The following FMN1 variants were observed in gnomAD, a reference collection of about 807,000 sequenced individuals.
The protein encoded by FMN1 is formin-1.
Under a neutral mutation model 132.4 loss-of-function variants are expected in FMN1, and 110 were observed. The ratio of observed to expected loss-of-function variants is 0.83; its 90% CI spans 0.71 to 0.97. FMN1 has a LOEUF of 0.97. Among genes scored for constraint, FMN1 ranks in the 50% least tolerant of loss-of-function variants. FMN1 has a pLI of 0.00. For synonymous variants in FMN1, 722 were observed against 651.7 expected, an observed-to-expected ratio of 1.11 and a Z score of -1.64; for missense variants, 1,792 against 1,705.3, an observed-to-expected ratio of 1.05 and a Z score of -0.90.
At chr15:33,184,118 C>A (rs1965797051) in intron 2 of FMN1, among the ~76,000 whole-genome samples, 1 of 152,180 alleles carries the variant, frequency 6.6e-6, no homozygotes, top group African/African-American at 2.4e-5. Context: ...TTATAAACAG[C>A]ATCTCTATTC....
intron 6 of FMN1, among the ~76,000 whole-genome samples, chr15:33,052,388 C>A (rs2037016882): frequency 6.6e-6 from 1 of 152,204 alleles, no homozygotes; most frequent in Non-Finnish European, 1.5e-5. Flanking sequence ...CTGGGTTCAG[C>A]ATGGACACAA....
At chr15:32,955,606 G>C (rs1258766508) in intron 9 of FMN1, among the ~76,000 whole-genome samples, 4 of 152,032 alleles carry the variant, frequency 2.6e-5, no homozygotes, top group Non-Finnish European at 5.9e-5. Context: ...ATGAGATTTG[G>C]GAAAATATAG....
At chr15:33,110,884 A>G (rs1474032343) in intron 4 of FMN1, among the ~76,000 whole-genome samples, 2 of 152,064 alleles carry the variant, frequency 1.3e-5, no homozygotes, top group African/African-American at 4.8e-5. Flanking sequence ...GGCATGCAGT[A>G]TATTTTTACT....
chr15:32,904,141 G>C (rs191840026), intron 12 of FMN1, among the ~76,000 whole-genome samples: 1 of 152,096 alleles, frequency 6.6e-6, no homozygotes, highest in African/African-American at 2.4e-5. Flanking sequence ...AATTACTGTG[G>C]AGTGTGAATG....
At chr15:33,055,423 T>C (rs2037171911) in intron 6 of FMN1, among the ~76,000 whole-genome samples, 1 of 152,140 alleles carries the variant, frequency 6.6e-6, no homozygotes, top group Non-Finnish European at 1.5e-5. Context: ...CTGATCACCG[T>C]GGGTACATGT....
At chr15:32,830,003 A>G (rs2058463560) in intron 17 of FMN1, among the ~76,000 whole-genome samples, 1 of 152,138 alleles carries the variant, frequency 6.6e-6, no homozygotes, top group Non-Finnish European at 1.5e-5. Context: ...ATAACTAAAT[A>G]AGGATTACTT....
intron 6 of FMN1, among the ~76,000 whole-genome samples, chr15:33,026,584 G>T (rs1207574347): frequency 6.6e-6 from 1 of 152,172 alleles, no homozygotes; most frequent in Admixed American, 6.5e-5. Context: ...TTTATATCAT[G>T]ATTATATAAT....
chr15:32,843,747 G>A (rs190284678), intron 17 of FMN1, among the ~76,000 whole-genome samples: 1 of 152,280 alleles, frequency 6.6e-6, no homozygotes, highest in Admixed American at 6.5e-5. Context: ...AAGATGAAAG[G>A]GGAAGTAGTA....
intron 6 of FMN1, among the ~76,000 whole-genome samples, chr15:33,013,489 T>G (rs531811094): frequency 2.0e-5 from 1 of 48,966 alleles, no homozygotes; most frequent in East Asian, 2.3e-3. Context: ...ATGAACCAAG[T>G]TGGGTTGTGA....
At chr15:33,053,297 G>A (rs909177817) in intron 6 of FMN1, among the ~76,000 whole-genome samples, 117 of 152,284 alleles carry the variant, frequency 7.7e-4, no homozygotes, top group African/African-American at 2.6e-3. Flanking sequence ...CTTTGGGGTC[G>A]CAGGCACCCC....
At chr15:33,143,211 A>G (rs1355852111) in intron 4 of FMN1, among the ~76,000 whole-genome samples, 2 of 152,218 alleles carry the variant, frequency 1.3e-5, no homozygotes, top group African/African-American at 4.8e-5. Context: ...AGAGATGAAT[A>G]GTTTCAAGGT....
intron 19 of FMN1, among the ~76,000 whole-genome samples, chr15:32,793,804 A>G (rs1465225104): frequency 2.0e-5 from 3 of 152,218 alleles, no homozygotes; most frequent in East Asian, 1.9e-4. Flanking sequence ...CAAGGAAAAG[A>G]AAGTTAACAT....
rs937668660 is a variant in FMN1, at chr15:32,766,987, T to C, written c.*7323A>G. 2 of 152,214 alleles carry C rather than the reference T, an allele frequency of 1.3e-5. No homozygotes were observed. The highest frequency in any genetic ancestry group is 1.3e-4 in the Admixed American group (2 of 15,274). The allele number at this position is 152,214 out of a possible 1,614,324, so 9.4% of individuals were successfully genotyped here. On this transcript the variant is annotated 3_prime_UTR_variant, in exon 21 of 21. Coordinates refer to ENST00000616417, the MANE Select transcript of FMN1 (RefSeq NM_001277313.2). ...CATGGATCTGAAATTGTTGGAGCTGTTAAACCAAGCACAGACCAGTTTCAC... is the reference window on the plus strand; with the variant it reads ...CATGGATCTGAAATTGTTGGAGCTGCTAAACCAAGCACAGACCAGTTTCAC...
chr15:32,946,063 A>G (rs1476951953), intron 9 of FMN1, among the ~76,000 whole-genome samples: 1 of 152,192 alleles, frequency 6.6e-6, no homozygotes, highest in African/African-American at 2.4e-5. Flanking sequence ...TATAAAATAA[A>G]TATTCCACGA....
chr15:32,820,497 C>T (rs942934066), intron 17 of FMN1, among the ~76,000 whole-genome samples: 4 of 151,650 alleles, frequency 2.6e-5, no homozygotes, highest in African/African-American at 7.3e-5. Flanking sequence ...CTCTGCATCA[C>T]ACCCTCTGTC....
chr15:33,089,456 G>A (rs898216533), intron 4 of FMN1, among the ~76,000 whole-genome samples: 12 of 152,184 alleles, frequency 7.9e-5, no homozygotes, highest in Non-Finnish European at 1.5e-4. Flanking sequence ...TTTGTTGAAC[G>A]AGTGAGTAGT....
At chr15:33,080,496 T>C (rs913465504) in intron 5 of FMN1, among the ~76,000 whole-genome samples, 4 of 152,230 alleles carry the variant, frequency 2.6e-5, no homozygotes, top group South Asian at 4.1e-4. Context: ...CTAATGCCTG[T>C]AATCCCAGAA....
intron 9 of FMN1, among the ~76,000 whole-genome samples, chr15:32,950,607 A>AT (rs2140496628): frequency 6.6e-6 from 1 of 152,194 alleles, no homozygotes; most frequent in East Asian, 1.9e-4. Context: ...CACATACTAC[A>AT]TTTTTTCACT....
chr15:32,908,293 G>C, intron 12 of FMN1, 197 bp downstream of exon 12: 1 of 530,782 alleles, frequency 1.9e-6, no homozygotes, highest in Non-Finnish European at 3.4e-6. Flanking sequence ...GAGACACACT[G>C]TATCCAACAG....
Sources: gnomAD v4.1 joint callset for allele counts (sites outside exome capture counted in the v4.1 genomes callset) on GRCh38, gnomAD v4.1.1 for gene constraint, MANE v1.5 for transcripts, NCBI Gene and HGNC (gene_info 2026-07-23, HGNC 2026-07-21) for gene names.